The following ROBO2 variants were observed in gnomAD, a reference collection of about 807,000 sequenced individuals.
The protein encoded by ROBO2 is roundabout guidance receptor 2.
A neutral mutation model predicts 160.8 loss-of-function variants in ROBO2; 53 were observed. The ratio of observed to expected loss-of-function variants is 0.33; its 90% CI spans 0.26 to 0.41. The LOEUF is 0.41. Ranked by LOEUF, ROBO2 falls within the 10% of genes least tolerant of loss-of-function variation. The pLI, the probability that ROBO2 is intolerant of heterozygous loss-of-function variation, is 1.00. For missense variants in ROBO2, 1,577 were observed against 1,722.4 expected, an observed-to-expected ratio of 0.92 and a Z score of 1.49; for synonymous variants, 664 against 611.7, an observed-to-expected ratio of 1.09 and a Z score of -1.26.
At chr3:75,971,386 A>G (rs1005493964) in intron 2 of ROBO2, among the ~76,000 whole-genome samples, 3 of 151,504 alleles carry the variant, frequency 2.0e-5, no homozygotes, top group African/African-American at 4.8e-5. Flanking sequence ...AAAAACTTGG[A>G]ACAAAATAAG....
intron 2 of ROBO2, among the ~76,000 whole-genome samples, chr3:77,471,904 C>T (rs538938931): frequency 6.6e-6 from 1 of 152,204 alleles, no homozygotes; most frequent in South Asian, 2.1e-4. Flanking sequence ...CAACTCTGGT[C>T]TTTCCTCCTG....
chr3:76,178,690 A>G (rs1024263787), intron 2 of ROBO2, among the ~76,000 whole-genome samples: 4 of 152,178 alleles, frequency 2.6e-5, no homozygotes, highest in African/African-American at 9.6e-5. Flanking sequence ...CACGCCTGTA[A>G]TCCCAGCACT....
At chr3:76,804,200 C>A (rs2064485376) in intron 2 of ROBO2, among the ~76,000 whole-genome samples, 1 of 152,134 alleles carries the variant, frequency 6.6e-6, no homozygotes, top group Admixed American at 6.6e-5. Flanking sequence ...AGAGAGAGGA[C>A]AGCACAGTGG....
In ROBO2 at chr3:76,547,501, AAAAG is replaced by A. The variant is rs530467342; in HGVS notation, c.110-550504_110-550501del. Among the ~76,000 whole-genome samples the A allele has an allele frequency of 4.9e-3, 752 of 152,144 alleles. 4 individuals carry two copies. Among genetic ancestry groups the A allele is most frequent in the Middle Eastern group, 0.014 (4 of 292 alleles). On this transcript the variant is annotated intron_variant, in intron 2 of 26. Coordinates refer to the ROBO2 transcript ENST00000487694. ...TGATGATAGAAAATATCTATGGAAG[AAAAG>A]AAAGAAAGCATTAAACTCATACTGA...
rs766909322 is a variant in ROBO2, at chr3:77,568,443, T to C, written c.1971+9T>C. On this transcript the variant is annotated intron_variant, in intron 13 of 25. Transcript: ENST00000461745. ...TTCAGGTCACATGGACGGTAAGCTT[T>C]CAAAGGCAATGTTAATAGTAATCTC... 4 of 1,612,588 alleles carry C rather than the reference T, an allele frequency of 2.5e-6. No homozygotes were observed. The highest frequency in any genetic ancestry group is 2.7e-5 in the African/African-American group (2 of 74,900).
chr3:77,563,095 G>T lies in ROBO2; in HGVS notation c.1520-72G>T, dbSNP rs1011221213. 5 of 1,452,254 alleles carry T rather than the reference G, an allele frequency of 3.4e-6. No individual in the cohort carries two copies. In the African/African-American group the frequency reaches 7.0e-5, roughly 20 times the overall value. 90.0% of individuals were successfully genotyped at this position (1,452,254 alleles called of 1,614,324 possible). A position where few individuals can be genotyped will look rare whatever the true frequency, so the allele number is the denominator to read the frequency against. On this transcript the variant is annotated intron_variant, in intron 10 of 25. Coordinates refer to ENST00000461745, the Ensembl canonical transcript of ROBO2. ...TCTAGGTCAGGTCCTTTAGTAGACT[G>T]CTTCCTTCTTTTAGGCAGTATTGTC...
At chr3:76,092,469 C>T (rs1190099607) in intron 2 of ROBO2, among the ~76,000 whole-genome samples, 2 of 152,100 alleles carry the variant, frequency 1.3e-5, no homozygotes, top group African/African-American at 4.8e-5. Flanking sequence ...TTCAAATTAA[C>T]AGTAATGGCT....
intron 2 of ROBO2, among the ~76,000 whole-genome samples, chr3:76,601,499 C>T (rs150182954): frequency 0.02 from 2,997 of 152,282 alleles, 52 homozygotes; most frequent in East Asian, 0.078. Context: ...TCTGTGCACC[C>T]GCAGGCTCAA....
intron 2 of ROBO2, among the ~76,000 whole-genome samples, chr3:77,466,542 A>G (rs994287979): frequency 6.6e-6 from 1 of 152,168 alleles, no homozygotes; most frequent in Non-Finnish European, 1.5e-5. Flanking sequence ...TTGTTAAAAT[A>G]GCTAAAATGA....
At chr3:77,056,568 A>G (rs922927018) in intron 1 of ROBO2, among the ~76,000 whole-genome samples, 2 of 152,162 alleles carry the variant, frequency 1.3e-5, no homozygotes, top group Non-Finnish European at 2.9e-5. Flanking sequence ...AAAATTAAAG[A>G]CAGGATAATA....
At chr3:75,953,716 A>T (rs1442779455) in intron 2 of ROBO2, among the ~76,000 whole-genome samples, 1 of 151,952 alleles carries the variant, frequency 6.6e-6, no homozygotes, top group Non-Finnish European at 1.5e-5. Context: ...CCTCACAAAC[A>T]ATAGCAACAA....
intron 2 of ROBO2, among the ~76,000 whole-genome samples, chr3:76,261,194 GTGTGTGTGTA>G (rs1009889604): frequency 5.6e-5 from 7 of 124,316 alleles, no homozygotes; most frequent in African/African-American, 2.0e-4. Flanking sequence ...GTGTGTGTGT[GTGTGTGTGTA>G]TATATATATA....
intron 2 of ROBO2, among the ~76,000 whole-genome samples, chr3:76,594,140 G>C (rs574117823): frequency 6.6e-6 from 1 of 152,048 alleles, no homozygotes; most frequent in African/African-American, 2.4e-5. Context: ...GTATACCTAA[G>C]AACATCTAGC....
chr3:77,410,542 CTT>C, intron 2 of ROBO2, among the ~76,000 whole-genome samples: 2 of 138,224 alleles, frequency 1.4e-5, no homozygotes, highest in African/African-American at 5.3e-5. Flanking sequence ...TCCTCCTCTT[CTT>C]CCTCCTCTTC....
At chr3:76,978,426 T>C (rs2059914848) in intron 2 of ROBO2, among the ~76,000 whole-genome samples, 1 of 152,164 alleles carries the variant, frequency 6.6e-6, no homozygotes, top group African/African-American at 2.4e-5. Flanking sequence ...ATATCAAGAA[T>C]GCTCTTAATG....
At chr3:76,128,546 G>A (rs565548423) in intron 2 of ROBO2, among the ~76,000 whole-genome samples, 7 of 151,532 alleles carry the variant, frequency 4.6e-5, no homozygotes, top group East Asian at 3.9e-4. Context: ...ATAACTAGTC[G>A]CTGTATCTAA....
intron 2 of ROBO2, among the ~76,000 whole-genome samples, chr3:76,329,464 C>T (rs1289516562): frequency 2.0e-5 from 3 of 152,162 alleles, no homozygotes; most frequent in African/African-American, 4.8e-5. Flanking sequence ...GTGATCCGCC[C>T]GCCTGGGCCT....
At chr3:75,955,809 G>C (rs749680665) in intron 2 of ROBO2, among the ~76,000 whole-genome samples, 1 of 151,600 alleles carries the variant, frequency 6.6e-6, no homozygotes, top group Non-Finnish European at 1.5e-5. Flanking sequence ...TTAAAGCACA[G>C]ATAGACAACT....
intron 2 of ROBO2, among the ~76,000 whole-genome samples, chr3:76,532,147 A>G (rs2082264772): frequency 6.6e-6 from 1 of 152,054 alleles, no homozygotes; most frequent in Non-Finnish European, 1.5e-5. Flanking sequence ...TCCCAATTAG[A>G]CCTTTCATTC....
Sources: gnomAD v4.1 joint callset for allele counts (sites outside exome capture counted in the v4.1 genomes callset) on GRCh38, gnomAD v4.1.1 for gene constraint, MANE v1.5 for transcripts, NCBI Gene and HGNC (gene_info 2026-07-23, HGNC 2026-07-21) for gene names.